The following CLDN16 variants were observed in gnomAD, a reference collection of about 807,000 sequenced individuals.
CLDN16 encodes claudin 16.
In CLDN16, 13 loss-of-function variants were observed where a neutral mutation model predicts 24.6. That is an observed-to-expected ratio of 0.53 (90% CI 0.34 to 0.84). The LOEUF is 0.84. Among genes scored for constraint, CLDN16 ranks in the 40% least tolerant of loss-of-function variants. CLDN16 has a pLI of 0.01. For missense variants in CLDN16, 298 were observed against 292.7 expected, an observed-to-expected ratio of 1.02 and a Z score of -0.13; for synonymous variants, 116 against 106.7, an observed-to-expected ratio of 1.09 and a Z score of -0.54.
At position 190,392,059 on chromosome 3, in the gene CLDN16, C is replaced by CTTTTTTTTTT. The variant is rs35220103; in HGVS notation, c.114+3624_114+3633dup. Among the ~76,000 whole-genome samples, 7 of 126,078 alleles carry CTTTTTTTTTT rather than the reference C, an allele frequency of 5.6e-5. 1 individual carries two copies. Among genetic ancestry groups the CTTTTTTTTTT allele is most frequent in the Non-Finnish European group, 8.4e-5 (5 of 59,322 alleles). The allele number at this position is 126,078 out of a possible 152,430, so 82.7% of individuals were successfully genotyped here. A position where few individuals can be genotyped will look rare whatever the true frequency, so the allele number is the denominator to read the frequency against. On this transcript the variant is annotated intron_variant, in intron 1 of 4. Coordinates refer to ENST00000264734, the MANE Select transcript of CLDN16 (RefSeq NM_006580.4). ...AGTTGTTTCTAAGGTCCTTTTCAGT[C>CTTTTTTTTTT]TTTTTTTTTTTTTTTTTAACATCAT...
intron 1 of CLDN16, among the ~76,000 whole-genome samples, chr3:190,400,477 C>T (rs150990751): frequency 0.023 from 3,493 of 152,102 alleles, 59 homozygotes; most frequent in Middle Eastern, 0.051. Context: ...TTGATCCGTC[C>T]GCCTCAGCCT....
chr3:190,405,603 C>T (rs60457733), intron 3 of CLDN16, among the ~76,000 whole-genome samples: 14,895 of 152,030 alleles, frequency 0.098, 1,152 homozygotes, highest in African/African-American at 0.21. Flanking sequence ...TACCCACCAC[C>T]ACCAACTCCA....
At chr3:190,402,630 C>T (rs1309310928) in intron 2 of CLDN16, among the ~76,000 whole-genome samples, 191 bp downstream of exon 2, 1 of 152,118 alleles carries the variant, frequency 6.6e-6, no homozygotes, top group African/African-American at 2.4e-5. Flanking sequence ...TCTCTTTTCT[C>T]ATATATTTGT....
chr3:190,290,761 T>C, the CLDN16 span, among the ~76,000 whole-genome samples: 1 of 152,132 alleles, frequency 6.6e-6, no homozygotes, highest in Non-Finnish European at 1.5e-5. Context: ...TGAAAGAAAA[T>C]TATATCAAAG....
chr3:190,390,367 C>T (rs763773521), intron 1 of CLDN16, among the ~76,000 whole-genome samples: 1 of 152,124 alleles, frequency 6.6e-6, no homozygotes, highest in Non-Finnish European at 1.5e-5. Context: ...AACCCCATCT[C>T]TAACAAAAAT....
the CLDN16 span, among the ~76,000 whole-genome samples, chr3:190,292,634 T>C: frequency 6.6e-6 from 1 of 152,234 alleles, no homozygotes; most frequent in East Asian, 1.9e-4. Context: ...CTGCAAATTT[T>C]CCAAACTTTT....
At chr3:190,370,810 T>C (rs967676057) in intron 1 of CLDN16, 5 of 151,714 alleles carry the variant, frequency 3.3e-5, no homozygotes, top group Non-Finnish European at 7.4e-5. Context: ...GCTGCCAGTG[T>C]GGCCAGAATA....
the CLDN16 span, chr3:190,308,427 A>G: frequency 6.2e-7 from 1 of 1,613,674 alleles, no homozygotes; most frequent in East Asian, 2.2e-5. Flanking sequence ...AGAGAGCCTG[A>G]CCAAATTCGT....
the CLDN16 span, among the ~76,000 whole-genome samples, chr3:190,298,137 T>C: frequency 1.0e-3 from 159 of 152,296 alleles, no homozygotes; most frequent in East Asian, 9.8e-3. Context: ...AATAGTTATG[T>C]AATATATGTA....
At chr3:190,300,581 T>C in the CLDN16 span, among the ~76,000 whole-genome samples, 194 of 152,364 alleles carry the variant, frequency 1.3e-3, 2 homozygotes, top group African/African-American at 4.5e-3. Flanking sequence ...GAATATATGA[T>C]AGACAATTTA....
At chr3:190,383,268 A>G (rs188468766), upstream of CLDN16, among the ~76,000 whole-genome samples, 8 of 152,234 alleles carry the variant, frequency 5.3e-5, no homozygotes, top group Admixed American at 3.3e-4. Context: ...TACCACTTTT[A>G]TGTCACCACG....
chr3:190,401,221 T>C (rs1200601063), intron 1 of CLDN16, among the ~76,000 whole-genome samples: 1 of 69,966 alleles, frequency 1.4e-5, no homozygotes, highest in Non-Finnish European at 2.8e-5. Flanking sequence ...GGGCAGAGAG[T>C]TTCATAGTGC....
intron 1 of CLDN16, among the ~76,000 whole-genome samples, chr3:190,369,399 T>C (rs1718086892): frequency 6.6e-6 from 1 of 151,986 alleles, no homozygotes; most frequent in Non-Finnish European, 1.5e-5. Flanking sequence ...TGATCTGGTT[T>C]AGAGAAGCTG....
chr3:190,403,459 ATTTG>A (rs1210424349), intron 2 of CLDN16, among the ~76,000 whole-genome samples: 2 of 152,166 alleles, frequency 1.3e-5, no homozygotes, highest in African/African-American at 4.8e-5. Context: ...CATAGTGTTT[ATTTG>A]TTTATTTATA....
intron 1 of CLDN16, among the ~76,000 whole-genome samples, chr3:190,364,783 C>G (rs760417898): frequency 7.9e-5 from 12 of 151,632 alleles, no homozygotes; most frequent in Non-Finnish European, 1.6e-4. Context: ...AGACATATTC[C>G]CAAATGTGGA....
intron 1 of CLDN16, among the ~76,000 whole-genome samples, chr3:190,330,850 C>T (rs74830124): frequency 0.014 from 2,202 of 152,170 alleles, 56 homozygotes; most frequent in African/African-American, 0.048. Context: ...GTCTATGTAA[C>T]TTTTAACCTT....
chr3:190,369,009 A>G (rs1439040616), intron 1 of CLDN16, among the ~76,000 whole-genome samples: 2 of 152,012 alleles, frequency 1.3e-5, no homozygotes, highest in Non-Finnish European at 2.9e-5. Flanking sequence ...CTTGTAAAAC[A>G]TCTTTCAGCC....
chr3:190,291,126 A>G, the CLDN16 span, among the ~76,000 whole-genome samples: 1 of 152,156 alleles, frequency 6.6e-6, no homozygotes, highest in South Asian at 2.1e-4. Flanking sequence ...GGCAGAGGGT[A>G]CAGCAAATGT....
the CLDN16 span, among the ~76,000 whole-genome samples, chr3:190,304,254 C>T: frequency 2.9e-5 from 4 of 137,992 alleles, no homozygotes; most frequent in Non-Finnish European, 6.5e-5. Context: ...TGGAGATCTC[C>T]GTGGCTCACC....
Sources: gnomAD v4.1 joint callset for allele counts (sites outside exome capture counted in the v4.1 genomes callset) on GRCh38, gnomAD v4.1.1 for gene constraint, MANE v1.5 for transcripts, NCBI Gene and HGNC (gene_info 2026-07-23, HGNC 2026-07-21) for gene names.